The following HDAC9 variants were observed in gnomAD, a reference collection of about 807,000 sequenced individuals.
The protein encoded by HDAC9 is histone deacetylase 9, also known as MEF-2 interacting transcription repressor (MITR) protein.
HDAC9 carries 41 observed loss-of-function variants against 139.4 expected under a neutral mutation model. That is an observed-to-expected ratio of 0.29 (90% CI 0.23 to 0.38). The LOEUF is 0.38. HDAC9 is among the 10% of genes least tolerant of loss of function. HDAC9 has a pLI of 1.00. For missense variants in HDAC9, 1,147 were observed against 1,297.0 expected (o/e 0.88, Z 1.78); for synonymous variants, 517 against 476.2 (o/e 1.09, Z -1.12).
At chr7:18,948,170 A>T (rs1782533540) in intron 23 of HDAC9, among the ~76,000 whole-genome samples, 1 of 151,994 alleles carries the variant, frequency 6.6e-6, no homozygotes, top group African/African-American at 2.4e-5. Context: ...CAAGACGAAG[A>T]TACTCTTACT....
Position 18,789,080 on chromosome 7 carries a change from G to A in HDAC9, c.2215-4265G>A, listed in dbSNP as rs550650117. Among the ~76,000 whole-genome samples the A allele has an allele frequency of 3.4e-4, 52 of 152,206 alleles. 1 individual carries two copies. The East Asian group carries it at 9.9e-3, about 29-fold the overall frequency. On this transcript the variant is annotated intron_variant, in intron 16 of 25. Transcript: ENST00000686413. ...TCGATGCTATCACTAACACAGGACC[G>A]TGATCTGAGACAACCAGGTTCAGTT...
At chr7:18,690,489 G>C (rs922119705) in intron 12 of HDAC9, among the ~76,000 whole-genome samples, 2 of 151,898 alleles carry the variant, frequency 1.3e-5, no homozygotes, top group African/African-American at 4.8e-5. Flanking sequence ...AACAATCCCT[G>C]CCAGACATTT....
chr7:18,741,553 C>A (rs543526407), intron 13 of HDAC9, among the ~76,000 whole-genome samples: 4 of 152,328 alleles, frequency 2.6e-5, no homozygotes, highest in African/African-American at 7.2e-5. Context: ...CACCCAAGAA[C>A]TCTGATGGAC....
intron 1 of HDAC9, among the ~76,000 whole-genome samples, chr7:18,330,503 A>G (rs1562884695): frequency 6.6e-6 from 1 of 151,612 alleles, no homozygotes; most frequent in African/African-American, 2.4e-5. Flanking sequence ...TTGAAAAGAT[A>G]TTAACTTCAG....
chr7:18,546,353 C>G (rs1814816447), intron 2 of HDAC9, among the ~76,000 whole-genome samples: 1 of 152,154 alleles, frequency 6.6e-6, no homozygotes, highest in Non-Finnish European at 1.5e-5. Flanking sequence ...ACATCTGGAT[C>G]AAGGCATAAG....
chr7:18,899,824 A>G (rs1357528126), intron 22 of HDAC9, among the ~76,000 whole-genome samples: 1 of 152,122 alleles, frequency 6.6e-6, no homozygotes, highest in Non-Finnish European at 1.5e-5. Flanking sequence ...AACAAGCTTC[A>G]TACTATCTGT....
chr7:18,767,050 T>G (rs1789888711), intron 15 of HDAC9, 56 bp from the exon 16 acceptor site: 2 of 841,156 alleles, frequency 2.4e-6, no homozygotes, highest in Non-Finnish European at 1.8e-6. Context: ...TGCCAACATT[T>G]TAAAAATTAT....
chr7:18,774,414 G>A (rs979191128), intron 16 of HDAC9, among the ~76,000 whole-genome samples: 4 of 151,914 alleles, frequency 2.6e-5, no homozygotes, highest in Non-Finnish European at 5.9e-5. Flanking sequence ...TGGAAATATT[G>A]CAGATTCAGT....
chr7:18,960,875 A>G (rs1783482439), intron 24 of HDAC9, among the ~76,000 whole-genome samples: 1 of 151,980 alleles, frequency 6.6e-6, no homozygotes, highest in Admixed American at 6.6e-5. Flanking sequence ...AGGAATTTGT[A>G]TACATCTCTT....
At chr7:18,894,969 CTTT>C (rs940364913) in intron 22 of HDAC9, among the ~76,000 whole-genome samples, 68 of 152,084 alleles carry the variant, frequency 4.5e-4, no homozygotes, top group Non-Finnish European at 7.9e-4. Context: ...GTGCTTCTGA[CTTT>C]TTTCTCAGTG....
At chr7:18,820,299 G>T (rs921850825) in intron 17 of HDAC9, among the ~76,000 whole-genome samples, 1 of 152,136 alleles carries the variant, frequency 6.6e-6, no homozygotes. Flanking sequence ...ATGTTCTTGA[G>T]CCAAGGAGAA....
At chr7:18,892,928 T>C (rs1330428837) in intron 22 of HDAC9, among the ~76,000 whole-genome samples, 6 of 150,888 alleles carry the variant, frequency 4.0e-5, no homozygotes, top group Non-Finnish European at 7.4e-5. Context: ...TTATGTCAGA[T>C]CATTTTTTTT....
intron 1 of HDAC9, among the ~76,000 whole-genome samples, chr7:18,148,782 C>G (rs373134280): frequency 1.3e-5 from 2 of 152,090 alleles, no homozygotes; most frequent in South Asian, 4.1e-4. Flanking sequence ...TTTTTAGAAT[C>G]CTTGTGAATG....
At chr7:18,213,593 C>G (rs1190418293) in intron 2 of HDAC9, among the ~76,000 whole-genome samples, 1 of 152,136 alleles carries the variant, frequency 6.6e-6, no homozygotes, top group African/African-American at 2.4e-5. Context: ...AACGTAGTCA[C>G]TGATATTGGC....
At chr7:18,139,816 G>T (rs1368974723) in intron 1 of HDAC9, among the ~76,000 whole-genome samples, 1 of 152,156 alleles carries the variant, frequency 6.6e-6, no homozygotes, top group African/African-American at 2.4e-5. Context: ...AGGGAAGAAG[G>T]CAATGCGATC....
chr7:18,279,424 A>G (rs1796951017), intron 2 of HDAC9, among the ~76,000 whole-genome samples: 1 of 151,728 alleles, frequency 6.6e-6, no homozygotes, highest in Non-Finnish European at 1.5e-5. Context: ...AGATGATGCA[A>G]AAAATTGGTC....
chr7:18,127,461 C>T (rs1784740160), intron 1 of HDAC9, among the ~76,000 whole-genome samples: 3 of 152,026 alleles, frequency 2.0e-5, no homozygotes, highest in Non-Finnish European at 1.5e-5. Flanking sequence ...TCCCTCTGTA[C>T]TTCTGGCTTT....
At chr7:18,826,258 G>A (rs1795426373) in intron 17 of HDAC9, among the ~76,000 whole-genome samples, 1 of 152,168 alleles carries the variant, frequency 6.6e-6, no homozygotes, top group African/African-American at 2.4e-5. Context: ...CAAAGCAGCA[G>A]TGAAGAAACA....
In HDAC9 at chr7:18,723,234, C is replaced by T. The variant is rs80320813; in HGVS notation, c.1732-4346C>T. On this transcript the variant is annotated intron_variant, in intron 12 of 25. Transcript: ENST00000686413. ...TAAGGATGATTTTATATATATCTCT[C>T]TCCTTATTATGCATTCATTTAAAAC... is the stretch of plus-strand genomic sequence containing the variant. 1.9e-3 allele frequency among the ~76,000 whole-genome samples: 285 copies of T among 152,176 alleles called. 4 individuals are homozygous for T. The highest frequency in any genetic ancestry group is 6.7e-3 in the African/African-American group (280 of 41,532).
Sources: gnomAD v4.1 joint callset for allele counts (sites outside exome capture counted in the v4.1 genomes callset) on GRCh38, gnomAD v4.1.1 for gene constraint, MANE v1.5 for transcripts, NCBI Gene and HGNC (gene_info 2026-07-23, HGNC 2026-07-21) for gene names.